ADGRB3: variants seen among roughly 807,000 people sequenced by gnomAD.
The protein encoded by ADGRB3 is adhesion G protein-coupled receptor B3, also known as brain-specific angiogenesis inhibitor 3.
ADGRB3 carries 37 observed loss-of-function variants against 193.4 expected under a neutral mutation model. That is an observed-to-expected ratio of 0.19 (90% CI 0.15 to 0.25). The LOEUF is 0.25. ADGRB3 is among the 10% of genes least tolerant of loss of function. ADGRB3 has a pLI of 1.00. For missense variants in ADGRB3, 1,637 were observed against 1,852.9 expected (o/e 0.88, Z 2.14); for synonymous variants, 690 against 644.2 (o/e 1.07, Z -1.08).
intron 3 of ADGRB3, among the ~76,000 whole-genome samples, chr6:68,718,850 C>A (rs1765528018): frequency 6.6e-6 from 1 of 151,752 alleles, no homozygotes; most frequent in Admixed American, 6.6e-5. Context: ...TAAATAGTGT[C>A]TTATGGGAAC....
At chr6:68,670,652 G>A (rs1768929026) in intron 3 of ADGRB3, among the ~76,000 whole-genome samples, 1 of 151,910 alleles carries the variant, frequency 6.6e-6, no homozygotes, top group African/African-American at 2.4e-5. Context: ...TGCTGTTTTG[G>A]TGACTATAGC....
At chr6:69,225,295 C>T (rs73469315) in intron 17 of ADGRB3, among the ~76,000 whole-genome samples, 3,312 of 152,260 alleles carry the variant, frequency 0.022, 120 homozygotes, top group African/African-American at 0.071. Context: ...ATGACCATCT[C>T]AAGCTTCATA....
intron 3 of ADGRB3, among the ~76,000 whole-genome samples, chr6:68,771,687 A>G (rs1766621352): frequency 2.6e-5 from 4 of 152,096 alleles, no homozygotes; most frequent in Non-Finnish European, 2.9e-5. Context: ...TAGCAATATC[A>G]TGTAATTTCA....
At chr6:69,057,369 T>C (rs1415512259) in intron 15 of ADGRB3, among the ~76,000 whole-genome samples, 1 of 152,106 alleles carries the variant, frequency 6.6e-6, no homozygotes, top group Non-Finnish European at 1.5e-5. Flanking sequence ...ATTTTACCTC[T>C]TCCTTTCCCA....
At chr6:69,090,823 G>C (rs1463478135) in intron 17 of ADGRB3, among the ~76,000 whole-genome samples, 1 of 152,140 alleles carries the variant, frequency 6.6e-6, no homozygotes, top group African/African-American at 2.4e-5. Flanking sequence ...AATGCCTAAT[G>C]GTTGCCCCAA....
chr6:69,251,562 G>T (rs1176364469), intron 20 of ADGRB3, among the ~76,000 whole-genome samples: 3 of 152,116 alleles, frequency 2.0e-5, no homozygotes, highest in Admixed American at 6.6e-5. Context: ...AAATCTAGAA[G>T]TAGGGAGGAG....
intron 5 of ADGRB3, among the ~76,000 whole-genome samples, chr6:68,938,564 T>C (rs1007027636): frequency 1.3e-5 from 2 of 151,916 alleles, no homozygotes; most frequent in East Asian, 3.9e-4. Flanking sequence ...CCACTCTCTC[T>C]ACATTTTTTA....
At chr6:68,827,802 C>T (rs527386969) in intron 3 of ADGRB3, among the ~76,000 whole-genome samples, 5 of 152,066 alleles carry the variant, frequency 3.3e-5, no homozygotes, top group African/African-American at 1.2e-4. Context: ...CATAATCTAG[C>T]CCCTTTCTCT....
chr6:68,876,445 G>A (rs1183520585), intron 3 of ADGRB3, among the ~76,000 whole-genome samples: 1 of 152,150 alleles, frequency 6.6e-6, no homozygotes, highest in Non-Finnish European at 1.5e-5. Context: ...ACTAGTCCAC[G>A]CTTTCATAGA....
Position 69,072,532 on chromosome 6 carries a change from AT to A in ADGRB3, c.2437-3453del, listed in dbSNP as rs900074668. ...AATTAAGTTTATGTGTTCTTTTCTA[AT>A]TTTTTTTTTGTTGTGGCTTACTGTG... On this transcript the variant is annotated intron_variant, in intron 16 of 31. Coordinates refer to ENST00000370598, the MANE Select transcript of ADGRB3 (RefSeq NM_001704.3). Among the ~76,000 whole-genome samples, 454 of 149,852 alleles carry A rather than the reference AT, an allele frequency of 3.0e-3. 3 individuals carry two copies. Among genetic ancestry groups the A allele is most frequent in the African/African-American group, 8.4e-3 (344 of 41,012 alleles).
chr6:69,340,135 A>T (rs183820671), intron 26 of ADGRB3, among the ~76,000 whole-genome samples: 3 of 152,296 alleles, frequency 2.0e-5, no homozygotes, highest in Admixed American at 6.5e-5. Flanking sequence ...AGGTATTATC[A>T]TATCAGCATT....
At chr6:69,257,679 C>T (rs1445552817) in intron 20 of ADGRB3, among the ~76,000 whole-genome samples, 1 of 152,092 alleles carries the variant, frequency 6.6e-6, no homozygotes, top group East Asian at 1.9e-4. Context: ...AATTATTTTG[C>T]ATTTTGTCTT....
Position 68,710,059 on chromosome 6 carries a change from G to A in ADGRB3, c.757+70627G>A, listed in dbSNP as rs74379223. On this transcript the variant is annotated intron_variant, in intron 3 of 31. Transcript: ENST00000370598. ...GGCACTGGAGTAATCTGAGGTCCTGGAGCTAGTCTGTGGACAGCAAATGTG... is the reference window on the plus strand; with the variant it reads ...GGCACTGGAGTAATCTGAGGTCCTGAAGCTAGTCTGTGGACAGCAAATGTG... Among the ~76,000 whole-genome samples the A allele has an allele frequency of 4.0e-3, 608 of 152,236 alleles. 4 individuals carry two copies. The highest frequency in any genetic ancestry group is 6.2e-3 in the Non-Finnish European group (424 of 68,020).
intron 29 of ADGRB3, 96 bp downstream of exon 29, chr6:69,361,608 C>T (rs1001646852): frequency 1.5e-6 from 2 of 1,363,104 alleles, no homozygotes; most frequent in Admixed American, 2.3e-5. Context: ...TGATGTGACA[C>T]TGGTGTGGGA....
At chr6:68,891,831 A>G (rs1356882289) in intron 3 of ADGRB3, among the ~76,000 whole-genome samples, 2 of 152,154 alleles carry the variant, frequency 1.3e-5, no homozygotes, top group South Asian at 2.1e-4. Context: ...TAGTCAGGAA[A>G]GTGAGGAATG....
chr6:69,285,856 T>C (rs1053186977), intron 20 of ADGRB3, among the ~76,000 whole-genome samples: 1 of 151,852 alleles, frequency 6.6e-6, no homozygotes. Flanking sequence ...CTCTTCTTAC[T>C]CATAACCTGT....
At position 69,116,376 on chromosome 6, in the gene ADGRB3, C is replaced by T. The variant is rs1773532839; in HGVS notation, c.2480+40338C>T. 2.6e-5 allele frequency among the ~76,000 whole-genome samples: 4 copies of T among 152,142 alleles called. No homozygotes were observed. The South Asian group carries it at 8.3e-4, about 32-fold the overall frequency. On this transcript the variant is annotated intron_variant, in intron 17 of 31. Coordinates refer to ENST00000370598, the MANE Select transcript of ADGRB3 (RefSeq NM_001704.3). ...GCGCCCACACACACCTGTTTTCACC[C>T]CTAACCCTTTTTTAATGCAAAAACT...
chr6:69,023,597 G>A (rs1019179145), intron 13 of ADGRB3, among the ~76,000 whole-genome samples: 8 of 152,104 alleles, frequency 5.3e-5, no homozygotes, highest in African/African-American at 1.9e-4. Flanking sequence ...AATTGGAAAG[G>A]CATGTTGATT....
chr6:68,891,784 T>G (rs9454637), intron 3 of ADGRB3, among the ~76,000 whole-genome samples: 1,701 of 152,136 alleles, frequency 0.011, 50 homozygotes, highest in African/African-American at 0.039. Context: ...GAGAGGGAGA[T>G]GCTGAAGGGA....
Sources: gnomAD v4.1 joint callset for allele counts (sites outside exome capture counted in the v4.1 genomes callset) on GRCh38, gnomAD v4.1.1 for gene constraint, MANE v1.5 for transcripts, NCBI Gene and HGNC (gene_info 2026-07-23, HGNC 2026-07-21) for gene names.